ARFGAP2: variants seen among roughly 807,000 people sequenced by gnomAD.
ARFGAP2 encodes ADP-ribosylation factor GTPase-activating protein 2.
ARFGAP2 carries 45 observed loss-of-function variants against 71.9 expected under a neutral mutation model. That is an observed-to-expected ratio of 0.63 (90% CI 0.49 to 0.80). ARFGAP2 has a LOEUF of 0.80. Ranked by LOEUF, ARFGAP2 falls within the 30% of genes least tolerant of loss-of-function variation. The pLI, the probability that ARFGAP2 is intolerant of heterozygous loss-of-function variation, is 0.00. For missense variants in ARFGAP2, 633 were observed against 673.9 expected (o/e 0.94, Z 0.67); for synonymous variants, 248 against 249.2 (o/e 1.00, Z 0.05).
intron 10 of ARFGAP2, among the ~76,000 whole-genome samples, chr11:47,168,750 T>C (rs1952486538): frequency 6.6e-6 from 1 of 152,052 alleles, no homozygotes; most frequent in Admixed American, 6.6e-5. Context: ...CTCAAACTCC[T>C]GAGTACAGAC....
Position 47,164,442 on chromosome 11 carries a change from C to A in ARFGAP2, c.*1040G>T. On this transcript the variant is annotated 3_prime_UTR_variant, in exon 16 of 16. Transcript: ENST00000524782. Reference sequence around the variant, plus strand: ...AGAGTGGTCTGTGTTGCTTGGGAGCCCAACCTACAACCCAAAGGTGGGGGC... The same window carrying A: ...AGAGTGGTCTGTGTTGCTTGGGAGCACAACCTACAACCCAAAGGTGGGGGC... The A allele has an allele frequency of 1.7e-6, 1 of 583,708 alleles. No individual in the cohort carries two copies. The highest frequency in any genetic ancestry group is 2.7e-6 in the Non-Finnish European group (1 of 365,062). The allele number at this position is 583,708 out of a possible 1,614,324, so 36.2% of individuals were successfully genotyped here.
intron 6 of ARFGAP2, 101 bp downstream of exon 6, chr11:47,173,658 G>T: frequency 6.9e-7 from 1 of 1,457,852 alleles, no homozygotes; most frequent in Non-Finnish European, 9.2e-7. Flanking sequence ...CAAAGATACA[G>T]GAGGACCCCT....
Position 47,173,492 on chromosome 11 carries a change from C to T in ARFGAP2, c.563-10G>A. The T allele has an allele frequency of 6.4e-7, 1 of 1,553,116 alleles. No homozygotes were observed. The highest frequency in any genetic ancestry group is 1.2e-5 in the South Asian group (1 of 84,142). On this transcript the variant is annotated splice_polypyrimidine_tract_variant and intron_variant, in intron 6 of 15. Transcript: ENST00000524782. ...GGGCCATGCTCCGGCTCTGTGGATG[C>T]AATGGTAGGAGTTAGAGATGAGCTC...
rs1952296915 is a variant in ARFGAP2, at chr11:47,165,109, A to G, written c.*373T>C. ...AGAAGAACCCTAGAGCCAGCAAAAA[A>G]AGCCTTCTACCTTCCGCTTTCCCTA... is the stretch of plus-strand genomic sequence containing the variant. On this transcript the variant is annotated 3_prime_UTR_variant, in exon 16 of 16. Transcript: ENST00000524782. The G allele has an allele frequency of 4.1e-6, 1 of 246,710 alleles. No individual in the cohort carries two copies. The highest frequency in any genetic ancestry group is 7.7e-6 in the Non-Finnish European group (1 of 129,278). 15.3% of individuals were successfully genotyped at this position (246,710 alleles called of 1,614,324 possible).
intron 2 of ARFGAP2, chr11:47,176,166 G>T: frequency 1.7e-6 from 1 of 594,406 alleles, no homozygotes; most frequent in Non-Finnish European, 3.0e-6. Context: ...CGCACGCCTG[G>T]ATTTGGCTTT....
At position 47,166,687 on chromosome 11, in the gene ARFGAP2, C is replaced by A. The variant is rs1231462749; in HGVS notation, c.1332+73G>T. 8 of 1,599,106 alleles carry A rather than the reference C, an allele frequency of 5.0e-6. No homozygotes were observed. The Admixed American group carries it at 1.3e-4, about 27-fold the overall frequency. On this transcript the variant is annotated intron_variant, in intron 13 of 15. Coordinates refer to ENST00000524782, the MANE Select transcript of ARFGAP2 (RefSeq NM_032389.6). ...GCCAGGCCCTCCTGGTGCTAAAGCC[C>A]AAAGCAGCGGCAGGGAGAAAGCTCA...
chr11:47,175,836 T>G lies in ARFGAP2; in HGVS notation c.264+15A>C. Reference sequence around the variant, plus strand: ...GCAGAAGAATGGAAGGTGAGGGAAGTAGAAGGAGCTTTACCGCATTGGCAT... The same window carrying G: ...GCAGAAGAATGGAAGGTGAGGGAAGGAGAAGGAGCTTTACCGCATTGGCAT... On this transcript the variant is annotated intron_variant, in intron 3 of 15. Coordinates refer to ENST00000524782, the MANE Select transcript of ARFGAP2 (RefSeq NM_032389.6). 6.2e-7 allele frequency: 1 copy of G among 1,613,658 alleles called. No individual in the cohort carries two copies. Among genetic ancestry groups the G allele is most frequent in the Non-Finnish European group, 8.5e-7 (1 of 1,179,698 alleles).
intron 10 of ARFGAP2, 172 bp from the exon 11 acceptor site, chr11:47,168,423 G>A (rs1160072920): frequency 1.8e-5 from 14 of 789,204 alleles, no homozygotes; most frequent in Non-Finnish European, 2.3e-5. Context: ...AGCTGTGTGT[G>A]GTGACCTGTG....
chr11:47,176,556 C>A lies in ARFGAP2; in HGVS notation c.151G>T (p.Gly51Trp), dbSNP rs1952837192. 1 of 1,613,796 alleles carries A rather than the reference C, an allele frequency of 6.2e-7. No homozygotes were observed. Among genetic ancestry groups the A allele is most frequent in the Admixed American group, 1.7e-5 (1 of 60,000 alleles). ...YGVFLCIDCSGVHRSLGVHLS... is the reference protein window; with the variant it reads ...YGVFLCIDCSWVHRSLGVHLS... ...TGGACGCCCAGGGAGCGGTGCACCC[C>A]GGAACAGTCAATGCACAAGAAAACA... is the stretch of plus-strand genomic sequence containing the variant. The change falls in exon 2 of 16, where the codon GGG (glycine) becomes TGG (tryptophan). Residue 51 changes from glycine to tryptophan, a missense_variant. Gly to Trp is a radical substitution (Grantham distance 184, BLOSUM62 -2). Coordinates refer to ENST00000524782, the MANE Select transcript of ARFGAP2 (RefSeq NM_032389.6).
chr11:47,169,085 G>T (rs999654059), intron 10 of ARFGAP2, among the ~76,000 whole-genome samples: 1 of 150,502 alleles, frequency 6.6e-6, no homozygotes, highest in Non-Finnish European at 1.5e-5. Flanking sequence ...AGGCCGAGGC[G>T]GGCAGATCAC....
chr11:47,166,665 A>AG (rs1342519540), intron 13 of ARFGAP2, 66 bp from the exon 14 acceptor site: 2 of 1,601,918 alleles, frequency 1.2e-6, no homozygotes, highest in Non-Finnish European at 1.7e-6. Context: ...CACACAGGCC[A>AG]GGCCCTCCTG....
intron 7 of ARFGAP2, 67 bp downstream of exon 7, chr11:47,173,359 C>A: frequency 1.3e-6 from 2 of 1,532,762 alleles, no homozygotes; most frequent in South Asian, 1.2e-5. Context: ...GCAGTAGGAC[C>A]TCTGAAAAGA....
intron 2 of ARFGAP2, 198 bp from the exon 3 acceptor site, chr11:47,176,121 T>G: frequency 6.5e-6 from 4 of 615,108 alleles, no homozygotes; most frequent in Non-Finnish European, 1.1e-5. Flanking sequence ...ACTAATTATG[T>G]CCCCAGATCC....
rs1398715235 is a variant in ARFGAP2, at chr11:47,166,713, T to A, written c.1332+47A>T. The A allele has an allele frequency of 4.4e-6, 7 of 1,603,778 alleles. No homozygotes were observed. The East Asian group carries it at 1.1e-4, about 26-fold the overall frequency. On this transcript the variant is annotated intron_variant, in intron 13 of 15. Transcript: ENST00000524782. Reference sequence around the variant, plus strand: ...AAAGCAGCGGCAGGGAGAAAGCTCATGCTTCTGCCTGCTGCCTCGGACCTC... The same window carrying A: ...AAAGCAGCGGCAGGGAGAAAGCTCAAGCTTCTGCCTGCTGCCTCGGACCTC...
Position 47,164,971 on chromosome 11 carries a change from G to GCAGCAA in ARFGAP2, c.*510_*511insTTGCTG, listed in dbSNP as rs1229994056. ...TCCTGGCACCCAGAAGAGGCCACTG[G>GCAGCAA]CAGCAGCAGCAGCAGCAAGTCCGCA... On this transcript the variant is annotated 3_prime_UTR_variant, in exon 16 of 16. Coordinates refer to ENST00000524782, the MANE Select transcript of ARFGAP2 (RefSeq NM_032389.6). 6.5e-6 allele frequency: 1 copy of GCAGCAA among 153,784 alleles called. No individual in the cohort carries two copies. Among genetic ancestry groups the GCAGCAA allele is most frequent in the Non-Finnish European group, 1.4e-5 (1 of 69,456 alleles). The allele number at this position is 153,784 out of a possible 1,614,324, so 9.5% of individuals were successfully genotyped here.
At chr11:47,165,681 C>A (rs995167874) in intron 15 of ARFGAP2, among the ~76,000 whole-genome samples, 179 bp from the exon 16 acceptor site, 7 of 152,090 alleles carry the variant, frequency 4.6e-5, no homozygotes, top group Non-Finnish European at 8.8e-5. Context: ...CTCGGGCACC[C>A]GACAACAGGG....
chr11:47,176,764 C>T lies in ARFGAP2; in HGVS notation c.72+18G>A, dbSNP rs1386006212. The T allele has an allele frequency of 2.5e-6, 4 of 1,613,902 alleles. No homozygotes were observed. The highest frequency in any genetic ancestry group is 2.7e-5 in the African/African-American group (2 of 74,938). On this transcript the variant is annotated intron_variant, in intron 1 of 15. Transcript: ENST00000524782. ...CCCCAGCGGGACGAGAGACTCCGCG[C>T]GCCCCCTGCTCACGCACCTTGTTGG...
intron 5 of ARFGAP2, 73 bp from the exon 6 acceptor site, chr11:47,173,913 C>A: frequency 1.9e-6 from 3 of 1,546,932 alleles, no homozygotes; most frequent in Non-Finnish European, 2.6e-6. Flanking sequence ...GACCTACAAG[C>A]ACCTTGTGGA....
chr11:47,170,640 T>C (rs1952564162), intron 10 of ARFGAP2, among the ~76,000 whole-genome samples: 1 of 151,106 alleles, frequency 6.6e-6, no homozygotes, highest in South Asian at 2.1e-4. Context: ...GAGTGAGACT[T>C]TGTCTCAAAA....
Sources: allele counts gnomAD v4.1 joint callset (sites outside exome capture counted in the v4.1 genomes callset), GRCh38; gene constraint gnomAD v4.1.1; transcripts MANE v1.5; gene names NCBI Gene and HGNC (gene_info 2026-07-23, HGNC 2026-07-21).